The following SLC26A5 variants were observed in gnomAD, a reference collection of about 807,000 sequenced individuals.
The protein encoded by SLC26A5 is solute carrier family 26 member 5.
A neutral mutation model predicts 81.0 loss-of-function variants in SLC26A5; 51 were observed. The observed-to-expected ratio is 0.63, with a 90% CI of 0.50 to 0.80. SLC26A5 has a LOEUF of 0.80. Among genes scored for constraint, SLC26A5 ranks in the 30% least tolerant of loss-of-function variants. SLC26A5 has a pLI of 0.00. For missense variants in SLC26A5, 771 were observed against 905.8 expected, an observed-to-expected ratio of 0.85 and a Z score of 1.91; for synonymous variants, 325 against 332.8, an observed-to-expected ratio of 0.98 and a Z score of 0.25.
chr7:103,402,044 G>C (rs1228341777), intron 8 of SLC26A5, among the ~76,000 whole-genome samples: 1 of 152,152 alleles, frequency 6.6e-6, no homozygotes, highest in Non-Finnish European at 1.5e-5. Context: ...GTCTCTGCCA[G>C]GTTTTGGTAG....
In SLC26A5 at chr7:103,400,626, C is replaced by G. The variant is rs562492478; in HGVS notation, c.889-2612G>C. On this transcript the variant is annotated intron_variant, in intron 8 of 19. Coordinates refer to ENST00000306312, the MANE Select transcript of SLC26A5 (RefSeq NM_198999.3). ...TTGCCATTGCTTTTGGTGTTTTAGTCATGAAGTCTTTGCCCATGCCTATGT... is the reference window on the plus strand; with the variant it reads ...TTGCCATTGCTTTTGGTGTTTTAGTGATGAAGTCTTTGCCCATGCCTATGT... Among the ~76,000 whole-genome samples, 72 of 152,288 alleles carry G rather than the reference C, an allele frequency of 4.7e-4. 1 individual carries two copies. In the South Asian group the frequency reaches 0.015, roughly 31 times the overall value.
chr7:103,386,682 G>C (rs1239879016), intron 14 of SLC26A5, among the ~76,000 whole-genome samples: 1 of 151,854 alleles, frequency 6.6e-6, no homozygotes. Context: ...ATCCTATTCA[G>C]TAAAAAAAAC....
intron 14 of SLC26A5, among the ~76,000 whole-genome samples, chr7:103,387,642 C>T (rs527414896): frequency 2.6e-5 from 4 of 152,216 alleles, no homozygotes; most frequent in Admixed American, 2.6e-4. Flanking sequence ...CAGAAGGTGC[C>T]GCCAGGACCT....
chr7:103,420,915 T>C, intron 3 of SLC26A5, 38 bp from the exon 4 acceptor site: 10 of 1,574,454 alleles, frequency 6.4e-6, no homozygotes, highest in Non-Finnish European at 8.7e-6. Context: ...AAGTTATAAA[T>C]GAGAAACATC....
At chr7:103,400,317 G>A (rs987574810) in intron 8 of SLC26A5, among the ~76,000 whole-genome samples, 6 of 152,138 alleles carry the variant, frequency 3.9e-5, no homozygotes, top group Non-Finnish European at 8.8e-5. Context: ...TTCTCTAATG[G>A]CCAGTGATGA....
chr7:103,417,313 T>C (rs1824988614), intron 4 of SLC26A5, among the ~76,000 whole-genome samples: 1 of 142,320 alleles, frequency 7.0e-6, no homozygotes, highest in Admixed American at 7.7e-5. Flanking sequence ...GAGGTTGCAG[T>C]GAGCCGAGAT....
intron 8 of SLC26A5, among the ~76,000 whole-genome samples, chr7:103,404,133 A>C (rs544755986): frequency 3.5e-4 from 53 of 152,236 alleles, no homozygotes; most frequent in Middle Eastern, 3.4e-3. Context: ...CAGTGAACCG[A>C]GATCGCACCA....
chr7:103,377,927 A>G, intron 17 of SLC26A5, 128 bp from the exon 18 acceptor site: 2 of 832,914 alleles, frequency 2.4e-6, no homozygotes, highest in South Asian at 2.8e-5. Flanking sequence ...CCCTTGTAAA[A>G]TATTTGTCAT....
downstream of SLC26A5, among the ~76,000 whole-genome samples, chr7:103,371,766 G>A (rs950367492): frequency 1.1e-4 from 17 of 150,060 alleles, no homozygotes; most frequent in Non-Finnish European, 2.1e-4. Context: ...CGTGGTCTCG[G>A]CTCACTGCAA....
intron 14 of SLC26A5, among the ~76,000 whole-genome samples, chr7:103,384,047 T>C (rs188483629): frequency 9.2e-5 from 14 of 152,068 alleles, no homozygotes; most frequent in African/African-American, 3.4e-4. Flanking sequence ...GGGAGGATCC[T>C]TTGAGCCCAG....
Position 103,377,638 on chromosome 7 carries a change from G to T in SLC26A5, c.1947C>A (p.Val649=), listed in dbSNP as rs752702072. The T allele has an allele frequency of 3.7e-6, 6 of 1,614,044 alleles. No homozygotes were observed. The South Asian group carries it at 6.6e-5, about 18-fold the overall frequency. The part of the protein sequence containing the change: ...VHTVILDFTQ[V]NFIDSVGVKT... ...TCACTCCAACAGAATCAATAAAATT[G>T]ACTTGAGTGAAATCCAAAATGACAG... The change falls in exon 18 of 20, where the codon GTC becomes GTA. Residue 649 remains valine (V), a synonymous_variant. Coordinates refer to ENST00000306312, the MANE Select transcript of SLC26A5 (RefSeq NM_198999.3).
At chr7:103,393,760 A>G (rs939561132) in intron 9 of SLC26A5, among the ~76,000 whole-genome samples, 1 of 152,086 alleles carries the variant, frequency 6.6e-6, no homozygotes, top group Non-Finnish European at 1.5e-5. Context: ...GTAGTCTGGG[A>G]TCCTTATCCT....
At chr7:103,436,977 G>A (rs539537076) in intron 2 of SLC26A5, among the ~76,000 whole-genome samples, 1 of 152,140 alleles carries the variant, frequency 6.6e-6, no homozygotes, top group Non-Finnish European at 1.5e-5. Flanking sequence ...CACAGCAAAG[G>A]AAACAACAAA....
chr7:103,418,415 T>C (rs1227605323), intron 4 of SLC26A5, among the ~76,000 whole-genome samples: 2 of 152,214 alleles, frequency 1.3e-5, no homozygotes, highest in Admixed American at 1.3e-4. Context: ...CAGTCATTCC[T>C]GCAGCTCCGT....
chr7:103,433,470 G>C (rs1176865817), intron 2 of SLC26A5: 1 of 152,104 alleles, frequency 6.6e-6, no homozygotes, highest in African/African-American at 2.4e-5. Flanking sequence ...TTTTAGGCTA[G>C]TCAAGTGAAG....
At chr7:103,406,498 C>T (rs111231987) in intron 8 of SLC26A5, among the ~76,000 whole-genome samples, 71 of 152,316 alleles carry the variant, frequency 4.7e-4, no homozygotes, top group African/African-American at 1.7e-3. Context: ...AGCTTGCCCT[C>T]TGTGGGCTGC....
Position 103,390,491 on chromosome 7 carries a change from C to A in SLC26A5, c.1249G>T (p.Ala417Ser), listed in dbSNP as rs1822555349. ...GGKTQLAGCL[A>S]SLMILLVILA... is the part of the protein sequence containing the mutation. The stretch of plus-strand genomic sequence containing the variant: ...ATGACCAGCAGAATCATTAATGAGG[C>A]CAAACAACCTGCAAGCTGAATGAGA... Residue 417 changes from alanine (A) to serine (S), a missense_variant, in exon 12 of 20, where the codon GCC (alanine) becomes TCC (serine). Physicochemically the swap from Ala to Ser is moderately conservative, Grantham distance 99. Transcript: ENST00000306312. The A allele has an allele frequency of 6.2e-7, 1 of 1,614,072 alleles. No homozygotes were observed. The highest frequency in any genetic ancestry group is 1.3e-5 in the African/African-American group (1 of 75,028).
intron 15 of SLC26A5, 60 bp from the exon 16 acceptor site, chr7:103,379,395 T>C (rs1821609036): frequency 9.0e-7 from 1 of 1,107,866 alleles, no homozygotes; most frequent in Non-Finnish European, 1.4e-6. Context: ...CAAAACTGCA[T>C]AGCTTCCCCA....
intron 5 of SLC26A5, 55 bp from the exon 6 acceptor site, chr7:103,411,641 T>C: frequency 5.0e-6 from 8 of 1,594,572 alleles, no homozygotes; most frequent in Non-Finnish European, 6.9e-6. Context: ...TCTGATATGG[T>C]TTTTGCCAGT....
Sources: gnomAD v4.1 joint callset for allele counts (sites outside exome capture counted in the v4.1 genomes callset) on GRCh38, gnomAD v4.1.1 for gene constraint, MANE v1.5 for transcripts, NCBI Gene and HGNC (gene_info 2026-07-23, HGNC 2026-07-21) for gene names.